The following FHIT variants were observed in gnomAD, a reference collection of about 807,000 sequenced individuals.
FHIT encodes bis(5'-adenosyl)-triphosphatase.
Under a neutral mutation model 17.9 loss-of-function variants are expected in FHIT, and 19 were observed. The ratio of observed to expected loss-of-function variants is 1.06; its 90% CI spans 0.74 to 1.56. The LOEUF (loss-of-function observed/expected upper bound fraction) is 1.56. Among genes scored for constraint, FHIT ranks in the 40% most tolerant of loss-of-function variants. FHIT has a pLI of 0.00. For missense variants in FHIT, 248 were observed against 189.2 expected (o/e 1.31, Z -1.82); for synonymous variants, 81 against 69.7 (o/e 1.16, Z -0.81).
chr3:60,100,256 C>T (rs765303957), intron 5 of FHIT, among the ~76,000 whole-genome samples: 6 of 151,996 alleles, frequency 3.9e-5, no homozygotes, highest in Admixed American at 2.0e-4. Flanking sequence ...TGGTGGTGGA[C>T]GCCTGTAGTC....
At chr3:60,612,364 G>A (rs898258083) in intron 4 of FHIT, among the ~76,000 whole-genome samples, 1 of 152,066 alleles carries the variant, frequency 6.6e-6, no homozygotes, top group Non-Finnish European at 1.5e-5. Flanking sequence ...TATTATAGAA[G>A]CTAAAGGAAT....
At chr3:59,884,651 A>T (rs903778718) in intron 8 of FHIT, among the ~76,000 whole-genome samples, 1 of 152,186 alleles carries the variant, frequency 6.6e-6, no homozygotes, top group African/African-American at 2.4e-5. Context: ...ATGGTGACAG[A>T]TTTGAAAGCT....
intron 5 of FHIT, among the ~76,000 whole-genome samples, chr3:60,427,000 G>A (rs1317462183): frequency 6.6e-6 from 1 of 152,006 alleles, no homozygotes; most frequent in Non-Finnish European, 1.5e-5. Context: ...GGGATTTCTC[G>A]GATGTAATTA....
rs72875915 is a variant in FHIT, at chr3:61,035,777, A to T, written c.-111+6270T>A. ...AATTGTCAGATAGTGATGATGTGACATTTTTTCCAGTAAAAAGTAAATTTG... is the reference window on the plus strand; with the variant it reads ...AATTGTCAGATAGTGATGATGTGACTTTTTTTCCAGTAAAAAGTAAATTTG... On this transcript the variant is annotated intron_variant, in intron 3 of 9. Transcript: ENST00000492590. Among the ~76,000 whole-genome samples the T allele has an allele frequency of 9.5e-3, 1,451 of 152,184 alleles. 18 individuals are homozygous for T. Among genetic ancestry groups the T allele is most frequent in the African/African-American group, 0.032 (1,317 of 41,532 alleles).
At chr3:60,991,848 G>A (rs901245975) in intron 3 of FHIT, among the ~76,000 whole-genome samples, 1 of 151,988 alleles carries the variant, frequency 6.6e-6, no homozygotes, top group African/African-American at 2.4e-5. Context: ...AGAAGCATAA[G>A]GTAAAGCACT....
intron 2 of FHIT, among the ~76,000 whole-genome samples, chr3:61,091,996 T>C (rs1185237291): frequency 7.0e-6 from 1 of 143,392 alleles, no homozygotes; most frequent in Non-Finnish European, 1.5e-5. Flanking sequence ...CAGGAATTCA[T>C]GGTCAGTTAG....
At chr3:60,600,221 T>C (rs551634980) in intron 4 of FHIT, among the ~76,000 whole-genome samples, 21 of 152,246 alleles carry the variant, frequency 1.4e-4, no homozygotes, top group African/African-American at 4.8e-4. Flanking sequence ...CTGGGACTTG[T>C]TCTTTAATTC....
At chr3:59,809,103 T>A (rs1239723199) in intron 8 of FHIT, among the ~76,000 whole-genome samples, 1 of 152,198 alleles carries the variant, frequency 6.6e-6, no homozygotes, top group Non-Finnish European at 1.5e-5. Context: ...CATAAATAGT[T>A]AAGGAACACA....
chr3:60,027,721 T>TTA lies in FHIT; in HGVS notation c.104-13570_104-13569insTA, dbSNP rs1553654820. Reference sequence around the variant, plus strand: ...ATCTCTTCTGGTTCCATTTAGTTTATAAAAAAAAAAAAAAGAATAATTCAG... The same window carrying TTA: ...ATCTCTTCTGGTTCCATTTAGTTTATTAAAAAAAAAAAAAAAGAATAATTCAG... On this transcript the variant is annotated intron_variant, in intron 5 of 9. Transcript: ENST00000492590. 3.5e-5 allele frequency among the ~76,000 whole-genome samples: 5 copies of TTA among 144,668 alleles called. No homozygotes were observed. The East Asian group carries it at 1.0e-3, about 29-fold the overall frequency. 94.9% of individuals were successfully genotyped at this position (144,668 alleles called of 152,430 possible).
intron 1 of FHIT, among the ~76,000 whole-genome samples, chr3:61,235,529 G>A (rs1252565445): frequency 6.6e-6 from 1 of 152,122 alleles, no homozygotes; most frequent in Non-Finnish European, 1.5e-5. Context: ...AAGCATCCTG[G>A]TTTAAGAACC....
chr3:60,043,600 C>T (rs375927280), intron 5 of FHIT, among the ~76,000 whole-genome samples: 125 of 152,244 alleles, frequency 8.2e-4, no homozygotes, highest in Middle Eastern at 6.8e-3. Flanking sequence ...TCTCTTTCAA[C>T]CTTTTGAACC....
chr3:61,127,019 G>A (rs750427781), intron 2 of FHIT, among the ~76,000 whole-genome samples: 22 of 152,144 alleles, frequency 1.4e-4, no homozygotes, highest in African/African-American at 3.1e-4. Context: ...CCACAAGCGC[G>A]GTGGCAGATG....
At chr3:60,153,818 C>A (rs548061509) in intron 5 of FHIT, among the ~76,000 whole-genome samples, 3 of 152,288 alleles carry the variant, frequency 2.0e-5, no homozygotes, top group Admixed American at 6.5e-5. Context: ...GCCCTTCCAG[C>A]CCTGGCCAGG....
chr3:59,751,155 T>A (rs1368779029), intron 9 of FHIT: 2 of 179,598 alleles, frequency 1.1e-5, no homozygotes, highest in Non-Finnish European at 2.4e-5. Flanking sequence ...AAACAAGTAA[T>A]TTTTTTAGTC....
rs146813846 is a variant in FHIT at position 61,218,935 on chromosome 3, G to A, written c.-212-18270C>T. Among the ~76,000 whole-genome samples the A allele has an allele frequency of 5.0e-3, 762 of 152,222 alleles. 8 individuals carry two copies. The highest frequency in any genetic ancestry group is 0.018 in the African/African-American group (732 of 41,526). On this transcript the variant is annotated intron_variant, in intron 1 of 9. Coordinates refer to ENST00000492590, the MANE Select transcript of FHIT (RefSeq NM_002012.4). ...AAACACTCATGTGTCACTTAGTAAT[G>A]GGAGTATATTCTGAGAAATGCACCC...
At chr3:60,911,403 C>T (rs1706737616) in intron 3 of FHIT, among the ~76,000 whole-genome samples, 1 of 148,126 alleles carries the variant, frequency 6.8e-6, no homozygotes, top group South Asian at 2.2e-4. Context: ...ACACACCCTT[C>T]CACCACCACT....
chr3:59,891,631 T>C (rs1019132108), intron 8 of FHIT, among the ~76,000 whole-genome samples: 6 of 152,202 alleles, frequency 3.9e-5, no homozygotes, highest in African/African-American at 1.4e-4. Context: ...TTGCTGACGG[T>C]AGGTCTGGAG....
chr3:60,644,460 T>G (rs2039804524), intron 4 of FHIT, among the ~76,000 whole-genome samples: 3 of 152,242 alleles, frequency 2.0e-5, no homozygotes, highest in Non-Finnish European at 4.4e-5. Context: ...TTTATTAATA[T>G]GTGTTGAATA....
chr3:59,880,633 A>G (rs1703370090), intron 8 of FHIT, among the ~76,000 whole-genome samples: 1 of 152,196 alleles, frequency 6.6e-6, no homozygotes, highest in Non-Finnish European at 1.5e-5. Flanking sequence ...GAGAATAGCA[A>G]TGCCTATAAA....
Sources: gnomAD v4.1 joint callset for allele counts (sites outside exome capture counted in the v4.1 genomes callset) on GRCh38, gnomAD v4.1.1 for gene constraint, MANE v1.5 for transcripts, NCBI Gene and HGNC (gene_info 2026-07-23, HGNC 2026-07-21) for gene names.